The following UBE2E3 variants were observed in gnomAD, a reference collection of about 807,000 sequenced individuals.
The protein encoded by UBE2E3 is ubiquitin conjugating enzyme E2 E3.
Under a neutral mutation model 23.6 loss-of-function variants are expected in UBE2E3, and 5 were observed. The ratio of observed to expected loss-of-function variants is 0.21; its 90% CI spans 0.11 to 0.44. UBE2E3 has a LOEUF of 0.44. UBE2E3 is among the 20% of genes least tolerant of loss of function. UBE2E3 has a pLI of 0.99. For synonymous variants in UBE2E3, 78 were observed against 87.5 expected, an observed-to-expected ratio of 0.89 and a Z score of 0.60; for missense variants, 81 against 249.8, an observed-to-expected ratio of 0.32 and a Z score of 4.55.
chr2:180,981,944 C>A, intron 1 of UBE2E3, 74 bp from the exon 2 acceptor site: 1 of 1,123,274 alleles, frequency 8.9e-7, no homozygotes, highest in Non-Finnish European at 1.3e-6. Flanking sequence ...TTTTAGATGA[C>A]TAGAAGAAAA....
chr2:181,016,261 G>A (rs973695721), intron 3 of UBE2E3, among the ~76,000 whole-genome samples: 2 of 151,048 alleles, frequency 1.3e-5, no homozygotes, highest in African/African-American at 2.4e-5. Context: ...AAATTTTTTA[G>A]TACAGACAGG....
In UBE2E3 at chr2:180,981,915, CT is replaced by C; in HGVS notation, c.-25-98del. The stretch of plus-strand genomic sequence containing the variant: ...GAAATAAGTGTGAACACTTTTGAAG[CT>C]TTTTCATTACAAGACGATTTTAGAT... On this transcript the variant is annotated intron_variant, in intron 1 of 5. Coordinates refer to ENST00000410062, the MANE Select transcript of UBE2E3 (RefSeq NM_006357.4). The C allele has an allele frequency of 3.5e-6, 3 of 860,990 alleles. 1 individual carries two copies. The South Asian group carries it at 5.5e-5, about 16-fold the overall frequency. 53.3% of individuals were successfully genotyped at this position (860,990 alleles called of 1,614,324 possible).
chr2:180,991,367 GA>G (rs1684654641), intron 3 of UBE2E3, among the ~76,000 whole-genome samples: 3 of 152,290 alleles, frequency 2.0e-5, no homozygotes, highest in African/African-American at 7.2e-5. Context: ...GGCACAGCAA[GA>G]GATTAACAAC....
chr2:181,040,433 A>G (rs1559131899), intron 3 of UBE2E3, among the ~76,000 whole-genome samples: 1 of 152,132 alleles, frequency 6.6e-6, no homozygotes, highest in Non-Finnish European at 1.5e-5. Flanking sequence ...GGATAGGAAA[A>G]TTTTTTTATA....
At chr2:180,984,572 T>C (rs1171875256) in intron 3 of UBE2E3, among the ~76,000 whole-genome samples, 2 of 152,232 alleles carry the variant, frequency 1.3e-5, no homozygotes, top group African/African-American at 2.4e-5. Flanking sequence ...ACAAATTTTA[T>C]GGGCTAAGCT....
At chr2:181,026,937 AATTT>A (rs1179025967) in intron 3 of UBE2E3, among the ~76,000 whole-genome samples, 3 of 151,950 alleles carry the variant, frequency 2.0e-5, no homozygotes, top group African/African-American at 7.2e-5. Flanking sequence ...TTATTCAGGC[AATTT>A]GCATTTATAA....
chr2:181,060,540 C>A, intron 4 of UBE2E3, 125 bp from the exon 5 acceptor site: 1 of 1,034,786 alleles, frequency 9.7e-7, no homozygotes, highest in Non-Finnish European at 1.3e-6. Flanking sequence ...TAAACCTAAT[C>A]TAAGTTTAGC....
Position 180,997,252 on chromosome 2 carries a change from T to A in UBE2E3, c.245+13159T>A, listed in dbSNP as rs185217827. Among the ~76,000 whole-genome samples the A allele has an allele frequency of 8.5e-5, 13 of 152,182 alleles. No homozygotes were observed. The East Asian group carries it at 2.5e-3, about 29-fold the overall frequency. ...AGCTTCCCATTTATCTATCTCTATT[T>A]ATTTTTTTTCTGTCCACTTTTGTGT... On this transcript the variant is annotated intron_variant, in intron 3 of 5. Transcript: ENST00000410062.
chr2:181,030,290 A>T (rs529529115), intron 3 of UBE2E3, among the ~76,000 whole-genome samples: 1 of 151,896 alleles, frequency 6.6e-6, no homozygotes, highest in Non-Finnish European at 1.5e-5. Context: ...TAAATTGAAT[A>T]TGTATATTTT....
chr2:181,033,024 A>T (rs968028718), intron 3 of UBE2E3, among the ~76,000 whole-genome samples: 1 of 152,188 alleles, frequency 6.6e-6, no homozygotes, highest in African/African-American at 2.4e-5. Flanking sequence ...TCAACGAAAT[A>T]AAAGAGGACA....
chr2:181,014,202 G>T (rs1685420004), intron 3 of UBE2E3, among the ~76,000 whole-genome samples: 1 of 152,078 alleles, frequency 6.6e-6, no homozygotes, highest in African/African-American at 2.4e-5. Context: ...TTTAGTTTTT[G>T]TTTTCAATGG....
At chr2:181,059,569 G>A (rs771750033) in intron 4 of UBE2E3, among the ~76,000 whole-genome samples, 31 of 151,686 alleles carry the variant, frequency 2.0e-4, no homozygotes, top group Admixed American at 5.3e-4. Flanking sequence ...CATGTAATCC[G>A]TGTAAGAGTA....
At chr2:181,011,359 T>C (rs1685323133) in intron 3 of UBE2E3, among the ~76,000 whole-genome samples, 1 of 152,180 alleles carries the variant, frequency 6.6e-6, no homozygotes, top group South Asian at 2.1e-4. Flanking sequence ...GAGAGATAAC[T>C]GCACACAAGG....
intron 3 of UBE2E3, among the ~76,000 whole-genome samples, chr2:181,052,514 T>A (rs1686871409): frequency 6.6e-6 from 1 of 151,988 alleles, no homozygotes; most frequent in Non-Finnish European, 1.5e-5. Context: ...CTGTTTAAGG[T>A]ATATGCTCAT....
intron 3 of UBE2E3, among the ~76,000 whole-genome samples, 192 bp from the exon 4 acceptor site, chr2:181,057,501 A>T (rs933555132): frequency 6.6e-6 from 1 of 151,774 alleles, no homozygotes; most frequent in African/African-American, 2.4e-5. Context: ...TTTCCTCTGT[A>T]AGTTTGTAAT....
chr2:181,056,985 C>G (rs1360517403), intron 3 of UBE2E3, among the ~76,000 whole-genome samples: 2 of 151,504 alleles, frequency 1.3e-5, no homozygotes, highest in Non-Finnish European at 2.9e-5. Flanking sequence ...TTACATGAAT[C>G]AAATCATGAG....
intron 3 of UBE2E3, among the ~76,000 whole-genome samples, chr2:181,006,677 A>T (rs890020758): frequency 7.1e-5 from 10 of 141,548 alleles, no homozygotes; most frequent in Non-Finnish European, 1.3e-4. Flanking sequence ...ATGTGGTTGT[A>T]AGAAAGCAGA....
At chr2:180,988,927 C>T (rs1433809509) in intron 3 of UBE2E3, among the ~76,000 whole-genome samples, 1 of 151,988 alleles carries the variant, frequency 6.6e-6, no homozygotes, top group African/African-American at 2.4e-5. Flanking sequence ...GTCCTGGAAC[C>T]CGCTTTTTAT....
At chr2:180,990,506 A>C (rs1684623983) in intron 3 of UBE2E3, among the ~76,000 whole-genome samples, 1 of 152,184 alleles carries the variant, frequency 6.6e-6, no homozygotes, top group African/African-American at 2.4e-5. Context: ...ACTTCCTGCT[A>C]CTTCTATGCG....
Sources: gnomAD v4.1 joint callset for allele counts (sites outside exome capture counted in the v4.1 genomes callset) on GRCh38, gnomAD v4.1.1 for gene constraint, MANE v1.5 for transcripts, NCBI Gene and HGNC (gene_info 2026-07-23, HGNC 2026-07-21) for gene names.